SUPT3H: variants seen among roughly 807,000 people sequenced by gnomAD.
SUPT3H encodes the protein SPT3 homolog, SAGA and STAGA complex component, also known as transcription initiation protein SPT3 homolog.
Under a neutral mutation model 44.3 loss-of-function variants are expected in SUPT3H, and 44 were observed. That is an observed-to-expected ratio of 0.99 (90% CI 0.78 to 1.28). SUPT3H has a LOEUF of 1.28. Among genes scored for constraint, SUPT3H ranks in the 50% most tolerant of loss-of-function variants. SUPT3H has a pLI of 0.00. For missense variants in SUPT3H, 380 were observed against 387.1 expected (o/e 0.98, Z 0.15); for synonymous variants, 124 against 125.6 (o/e 0.99, Z 0.09).
chr6:45,119,496 A>T (rs1401554225), intron 2 of SUPT3H, among the ~76,000 whole-genome samples: 2 of 152,170 alleles, frequency 1.3e-5, no homozygotes, highest in African/African-American at 2.4e-5. Flanking sequence ...TGGGCACACA[A>T]ACTAGATACT....
chr6:45,078,239 C>CT (rs1220833596), intron 3 of SUPT3H, among the ~76,000 whole-genome samples: 3 of 152,148 alleles, frequency 2.0e-5, no homozygotes, highest in African/African-American at 7.2e-5. Flanking sequence ...GTTTTGTTCT[C>CT]TTTTTTGTTT....
At chr6:45,245,716 G>A (rs1470713461) in intron 2 of SUPT3H, among the ~76,000 whole-genome samples, 1 of 151,932 alleles carries the variant, frequency 6.6e-6, no homozygotes, top group African/African-American at 2.4e-5. Context: ...TCCACCTTTT[G>A]GATATTGTGA....
At chr6:44,966,751 G>T (rs980469026) in intron 6 of SUPT3H, among the ~76,000 whole-genome samples, 8 of 152,056 alleles carry the variant, frequency 5.3e-5, no homozygotes, top group Non-Finnish European at 1.2e-4. Flanking sequence ...TGGCTATTCC[G>T]TATAGTCATT....
chr6:45,129,083 A>C (rs531311856), intron 2 of SUPT3H, among the ~76,000 whole-genome samples: 1 of 152,350 alleles, frequency 6.6e-6, no homozygotes, highest in African/African-American at 2.4e-5. Flanking sequence ...GAAAAAGATG[A>C]ATATTTCCCA....
At chr6:45,070,403 T>C (rs1363884074) in intron 3 of SUPT3H, among the ~76,000 whole-genome samples, 1 of 152,120 alleles carries the variant, frequency 6.6e-6, no homozygotes, top group African/African-American at 2.4e-5. Context: ...CAGAAGTATA[T>C]ACTTTTGTTG....
chr6:45,152,659 T>A (rs1583862771), intron 2 of SUPT3H, among the ~76,000 whole-genome samples: 2 of 151,984 alleles, frequency 1.3e-5, no homozygotes, highest in African/African-American at 4.8e-5. Flanking sequence ...CCCGGCTAAT[T>A]TTTGTTATTT....
At chr6:45,339,031 GA>G (rs1302360818) in intron 2 of SUPT3H, among the ~76,000 whole-genome samples, 2 of 151,836 alleles carry the variant, frequency 1.3e-5, no homozygotes, top group Non-Finnish European at 2.9e-5. Context: ...AATATAAGAA[GA>G]AAAATTAAAA....
At chr6:44,955,773 AAT>A (rs1339319955) in intron 7 of SUPT3H, among the ~76,000 whole-genome samples, 1 of 152,162 alleles carries the variant, frequency 6.6e-6, no homozygotes, top group African/African-American at 2.4e-5. Flanking sequence ...CATTGGGTAC[AAT>A]ATACACACTG....
chr6:45,334,315 T>C (rs1788104814), intron 2 of SUPT3H, among the ~76,000 whole-genome samples: 2 of 151,178 alleles, frequency 1.3e-5, no homozygotes, highest in Middle Eastern at 3.5e-3. Context: ...ATTTACATAA[T>C]AGACTAAGTT....
Position 44,899,702 on chromosome 6 carries a change from A to C in SUPT3H, c.912+32951T>G, listed in dbSNP as rs1764667739. On this transcript the variant is annotated intron_variant, in intron 10 of 10. Coordinates refer to ENST00000371459, the MANE Select transcript of SUPT3H (RefSeq NM_003599.4). ...ACTCGTCTCAAAACAAAACAAAACA[A>C]ACAAACAAAAAATTTCACAAGGGTT... is the stretch of plus-strand genomic sequence containing the variant. Among the ~76,000 whole-genome samples, 3 of 152,154 alleles carry C rather than the reference A, an allele frequency of 2.0e-5. No homozygotes were observed. The South Asian group carries it at 6.2e-4, about 32-fold the overall frequency.
chr6:45,192,417 G>C (rs1427135581), intron 2 of SUPT3H, among the ~76,000 whole-genome samples: 2 of 151,934 alleles, frequency 1.3e-5, no homozygotes, highest in African/African-American at 4.8e-5. Context: ...TGGTTAACTT[G>C]GGATCAGATG....
intron 3 of SUPT3H, among the ~76,000 whole-genome samples, chr6:45,092,327 T>A (rs1797229996): frequency 6.6e-6 from 1 of 152,234 alleles, no homozygotes; most frequent in African/African-American, 2.4e-5. Context: ...TTAGTTGAAT[T>A]AGAAGTGCAA....
intron 9 of SUPT3H, among the ~76,000 whole-genome samples, chr6:44,939,429 ATTATCT>A (rs1277145667): frequency 1.3e-5 from 2 of 152,070 alleles, no homozygotes; most frequent in East Asian, 3.9e-4. Flanking sequence ...AACCATGGTA[ATTATCT>A]TTATGATATG....
Position 45,052,073 on chromosome 6 carries a change from C to A in SUPT3H, c.187-31441G>T, listed in dbSNP as rs557663301. The stretch of plus-strand genomic sequence containing the variant: ...AGCACAATGAGCCAGACAATAAAAT[C>A]TTTTGAGAAATCAGAGGGAATCACC... On this transcript the variant is annotated intron_variant, in intron 3 of 10. Transcript: ENST00000371459. Among the ~76,000 whole-genome samples, 4 of 152,262 alleles carry A rather than the reference C, an allele frequency of 2.6e-5. No individual in the cohort carries two copies. In the South Asian group the frequency reaches 6.2e-4, roughly 24 times the overall value.
chr6:44,917,557 A>G (rs1768006970), intron 10 of SUPT3H, among the ~76,000 whole-genome samples: 1 of 152,148 alleles, frequency 6.6e-6, no homozygotes, highest in Non-Finnish European at 1.5e-5. Flanking sequence ...GACTGTCTAA[A>G]CATGCAAATA....
rs368766329 is a variant in SUPT3H, at chr6:44,954,462, G to A, written c.693+33C>T. ...GGCAGAGATAAAGAAAAACCAGCCAGTGTGGCCCGATATGACAGATTAGAA... is the reference window on the plus strand; with the variant it reads ...GGCAGAGATAAAGAAAAACCAGCCAATGTGGCCCGATATGACAGATTAGAA... On this transcript the variant is annotated intron_variant, in intron 8 of 10. Coordinates refer to ENST00000371459, the MANE Select transcript of SUPT3H (RefSeq NM_003599.4). 13 of 1,490,988 alleles carry A rather than the reference G, an allele frequency of 8.7e-6. No homozygotes were observed. In the African/African-American group the frequency reaches 1.7e-4, roughly 19 times the overall value. The allele number at this position is 1,490,988 out of a possible 1,614,324, so 92.4% of individuals were successfully genotyped here. A position where few individuals can be genotyped will look rare whatever the true frequency, so the allele number is the denominator to read the frequency against.
chr6:44,991,838 A>C (rs1303609282), intron 6 of SUPT3H, among the ~76,000 whole-genome samples: 1 of 152,176 alleles, frequency 6.6e-6, no homozygotes, highest in African/African-American at 2.4e-5. Flanking sequence ...AAATAAACTG[A>C]AACATTAAAA....
chr6:45,180,193 A>C (rs1217066154), intron 2 of SUPT3H, among the ~76,000 whole-genome samples: 1 of 135,314 alleles, frequency 7.4e-6, no homozygotes, highest in Non-Finnish European at 1.6e-5. Flanking sequence ...GAGAACTACA[A>C]ACCACTGCTC....
intron 10 of SUPT3H, among the ~76,000 whole-genome samples, chr6:44,898,317 C>T (rs903104504): frequency 6.6e-6 from 1 of 152,094 alleles, no homozygotes; most frequent in African/African-American, 2.4e-5. Context: ...AGGGTTAGGT[C>T]GCAGAAGGCA....
Sources: gnomAD v4.1 joint callset for allele counts (sites outside exome capture counted in the v4.1 genomes callset) on GRCh38, gnomAD v4.1.1 for gene constraint, MANE v1.5 for transcripts, NCBI Gene and HGNC (gene_info 2026-07-23, HGNC 2026-07-21) for gene names.